The following RBKS variants were observed in gnomAD, a reference collection of about 807,000 sequenced individuals.
RBKS encodes ribokinase.
A neutral mutation model predicts 33.9 loss-of-function variants in RBKS; 33 were observed. The ratio of observed to expected loss-of-function variants is 0.97; its 90% CI spans 0.74 to 1.30. The LOEUF (loss-of-function observed/expected upper bound fraction) is 1.30, where lower values mean the gene tolerates loss of function less well. Among genes scored for constraint, RBKS ranks in the 50% most tolerant of loss-of-function variants. The pLI is 0.00. For synonymous variants in RBKS, 125 were observed against 143.0 expected (o/e 0.87, Z 0.90); for missense variants, 361 against 392.6 (o/e 0.92, Z 0.68).
chr2:27,878,686 G>C (rs915875699), intron 1 of RBKS, among the ~76,000 whole-genome samples: 2 of 152,110 alleles, frequency 1.3e-5, no homozygotes, highest in African/African-American at 4.8e-5. Context: ...ATCCTCTCCA[G>C]CACCTGTTGT....
At chr2:27,828,705 C>G (rs896358549) in intron 6 of RBKS, among the ~76,000 whole-genome samples, 1 of 152,066 alleles carries the variant, frequency 6.6e-6, no homozygotes, top group Non-Finnish European at 1.5e-5. Context: ...TTTTTCATTC[C>G]ATTCTAATGT....
chr2:27,787,549 T>C (rs1239713195), intron 7 of RBKS, among the ~76,000 whole-genome samples: 1 of 152,188 alleles, frequency 6.6e-6, no homozygotes, highest in African/African-American at 2.4e-5. Context: ...TACGAGCCAC[T>C]GTGCCTGGCC....
At chr2:27,789,951 A>ATG (rs1677485457) in intron 7 of RBKS, among the ~76,000 whole-genome samples, 2 of 111,382 alleles carry the variant, frequency 1.8e-5, no homozygotes, top group African/African-American at 3.7e-5. Flanking sequence ...GTATATGTGT[A>ATG]TATATATATA....
intron 7 of RBKS, among the ~76,000 whole-genome samples, chr2:27,792,989 C>T (rs1297652941): frequency 6.6e-6 from 1 of 152,134 alleles, no homozygotes; most frequent in Non-Finnish European, 1.5e-5. Flanking sequence ...GATTAAATGG[C>T]CAAACCCACA....
At chr2:27,783,553 C>T (rs1018379177) in intron 7 of RBKS, among the ~76,000 whole-genome samples, 2 of 152,142 alleles carry the variant, frequency 1.3e-5, no homozygotes, top group African/African-American at 4.8e-5. Context: ...AATACCTGCT[C>T]GTGTTTGTCT....
chr2:27,814,220 C>T (rs1370042303), intron 7 of RBKS, among the ~76,000 whole-genome samples: 1 of 152,114 alleles, frequency 6.6e-6, no homozygotes, highest in Non-Finnish European at 1.5e-5. Context: ...GACCCGATCT[C>T]TTAAAAGAAA....
rs201235718 is a variant in RBKS at position 27,798,805 on chromosome 2, G to A, written c.796-17017C>T. Among the ~76,000 whole-genome samples the A allele has an allele frequency of 1.4e-4, 22 of 152,242 alleles. No individual in the cohort carries two copies. In the East Asian group the frequency reaches 4.0e-3, roughly 28 times the overall value. ...GGGTCTCAGTACATGGAGACACCTC[G>A]GCTTGGACTTTTCCCTAGACTAACT... On this transcript the variant is annotated intron_variant, in intron 7 of 7. Transcript: ENST00000302188.
chr2:27,787,857 AAT>A (rs1677432436), intron 7 of RBKS, among the ~76,000 whole-genome samples: 1 of 152,118 alleles, frequency 6.6e-6, no homozygotes, highest in South Asian at 2.1e-4. Context: ...AAATTAAATA[AAT>A]ATATGTGTGT....
chr2:27,819,001 T>C (rs1200428617), intron 7 of RBKS, among the ~76,000 whole-genome samples: 1 of 152,232 alleles, frequency 6.6e-6, no homozygotes. Flanking sequence ...TTGCTTTGGA[T>C]TACTTTCTCC....
intron 5 of RBKS, among the ~76,000 whole-genome samples, chr2:27,840,327 T>TACGCACACACAC (rs1663457693): frequency 1.7e-5 from 2 of 117,810 alleles, no homozygotes; most frequent in Admixed American, 1.8e-4. Context: ...GATGATGCAT[T>TACGCACACACAC]ACACACACAC....
intron 7 of RBKS, 40 bp from the exon 8 acceptor site, chr2:27,781,828 C>A: frequency 6.5e-7 from 1 of 1,531,792 alleles, no homozygotes; most frequent in South Asian, 1.2e-5. Context: ...AGCATGTAGT[C>A]AATCTGTTGC....
intron 7 of RBKS, among the ~76,000 whole-genome samples, chr2:27,801,990 ATATTTTTTTTTTTT>A (rs1398990087): frequency 2.1e-4 from 15 of 70,870 alleles, no homozygotes; most frequent in African/African-American, 1.0e-3. Flanking sequence ...ATATATATAT[ATATTTTTTTTTTTT>A]TTTTTTTTTT....
intron 1 of RBKS, among the ~76,000 whole-genome samples, chr2:27,883,337 C>G (rs1664458522): frequency 6.6e-6 from 1 of 152,196 alleles, no homozygotes; most frequent in Admixed American, 6.5e-5. Flanking sequence ...GTAGCTGGGA[C>G]TACAGGCGTC....
intron 7 of RBKS, among the ~76,000 whole-genome samples, chr2:27,799,725 C>CTG (rs1677736781): frequency 1.3e-5 from 2 of 152,260 alleles, no homozygotes; most frequent in African/African-American, 4.8e-5. Context: ...CCAACAGGGT[C>CTG]AGCCTTGCTG....
At chr2:27,872,033 C>G (rs1166316803) in intron 1 of RBKS, among the ~76,000 whole-genome samples, 1 of 152,202 alleles carries the variant, frequency 6.6e-6, no homozygotes, top group African/African-American at 2.4e-5. Flanking sequence ...TACTGCTGAT[C>G]TGACAGGAGG....
chr2:27,836,447 AG>A (rs1678520692), intron 5 of RBKS, among the ~76,000 whole-genome samples: 1 of 152,208 alleles, frequency 6.6e-6, no homozygotes, highest in Non-Finnish European at 1.5e-5. Flanking sequence ...AGCCATATGC[AG>A]AAGAATGAAA....
intron 7 of RBKS, among the ~76,000 whole-genome samples, chr2:27,811,833 G>T (rs949076963): frequency 6.6e-6 from 1 of 152,116 alleles, no homozygotes; most frequent in South Asian, 2.1e-4. Flanking sequence ...GGTTTTAATG[G>T]CCATGTTTGG....
At chr2:27,833,467 GAGA>G (rs1274380843) in intron 5 of RBKS, among the ~76,000 whole-genome samples, 8 of 152,314 alleles carry the variant, frequency 5.3e-5, no homozygotes, top group Admixed American at 5.2e-4. Context: ...GAGGCTACAA[GAGA>G]AGGATAGATG....
At chr2:27,881,780 C>T (rs531557183) in intron 1 of RBKS, among the ~76,000 whole-genome samples, 8 of 152,228 alleles carry the variant, frequency 5.3e-5, no homozygotes, top group Non-Finnish European at 1.2e-4. Context: ...CTACAACCAT[C>T]TGATCTTTGA....
Sources: allele counts gnomAD v4.1 joint callset (sites outside exome capture counted in the v4.1 genomes callset), GRCh38; gene constraint gnomAD v4.1.1; transcripts MANE v1.5; gene names NCBI Gene and HGNC (gene_info 2026-07-23, HGNC 2026-07-21).